The following PSD3 variants were observed in gnomAD, a reference collection of about 807,000 sequenced individuals.
PSD3 encodes PH and SEC7 domain-containing protein 3.
Under a neutral mutation model 105.5 loss-of-function variants are expected in PSD3, and 49 were observed. That is an observed-to-expected ratio of 0.46 (90% CI 0.37 to 0.59). PSD3 has a LOEUF of 0.59. Among genes scored for constraint, PSD3 ranks in the 20% least tolerant of loss-of-function variants. The pLI is 0.00. For synonymous variants in PSD3, 557 were observed against 457.8 expected (o/e 1.22, Z -2.77); for missense variants, 1,561 against 1,263.8 (o/e 1.24, Z -3.57).
intron 8 of PSD3, 185 bp downstream of exon 8, chr8:18,799,110 A>G (rs1810452883): frequency 5.3e-6 from 3 of 565,720 alleles, no homozygotes; most frequent in Non-Finnish European, 9.4e-6. Flanking sequence ...ATTTAAAGTC[A>G]TACTCTGTGC....
chr8:18,548,517 T>C (rs75479497), intron 15 of PSD3, among the ~76,000 whole-genome samples: 3,689 of 152,272 alleles, frequency 0.024, 68 homozygotes, highest in East Asian at 0.086. Context: ...ACCTTTTCTA[T>C]GGACATATCT....
intron 1 of PSD3, among the ~76,000 whole-genome samples, chr8:18,949,399 A>G (rs1823101128): frequency 6.7e-6 from 1 of 150,140 alleles, no homozygotes; most frequent in Non-Finnish European, 1.5e-5. Flanking sequence ...AAAAAAAATA[A>G]TCTCCTAGGC....
At chr8:19,054,644 AG>A (rs1424822488) in intron 1 of PSD3, among the ~76,000 whole-genome samples, 1 of 152,216 alleles carries the variant, frequency 6.6e-6, no homozygotes, top group Non-Finnish European at 1.5e-5. Flanking sequence ...ATTTATTCCA[AG>A]GAATTCATAT....
chr8:18,651,348 AG>A (rs1382396976), intron 10 of PSD3, among the ~76,000 whole-genome samples: 4 of 152,242 alleles, frequency 2.6e-5, no homozygotes. Flanking sequence ...ATTTCCTCTA[AG>A]GTTCTAACAT....
At chr8:18,981,120 C>A (rs1825231393) in intron 1 of PSD3, among the ~76,000 whole-genome samples, 1 of 152,144 alleles carries the variant, frequency 6.6e-6, no homozygotes, top group Non-Finnish European at 1.5e-5. Context: ...TTAAAACAGT[C>A]AATGACTGCT....
chr8:19,031,822 C>T (rs557702991), intron 1 of PSD3, among the ~76,000 whole-genome samples: 2 of 152,126 alleles, frequency 1.3e-5, no homozygotes, highest in African/African-American at 4.8e-5. Flanking sequence ...TGAACTAAAA[C>T]AGAACTAAAA....
intron 4 of PSD3, among the ~76,000 whole-genome samples, chr8:18,847,086 C>A (rs1437187274): frequency 6.6e-6 from 1 of 152,174 alleles, no homozygotes; most frequent in African/African-American, 2.4e-5. Flanking sequence ...CACTGCCTTT[C>A]ACCTCTTACA....
At chr8:18,620,018 C>T (rs1190785936) in intron 11 of PSD3, among the ~76,000 whole-genome samples, 1 of 152,170 alleles carries the variant, frequency 6.6e-6, no homozygotes, top group East Asian at 1.9e-4. Flanking sequence ...TAGTCTGTTT[C>T]TCTGAGGGCT....
chr8:18,713,828 T>C (rs945753333), intron 9 of PSD3, among the ~76,000 whole-genome samples: 39 of 152,146 alleles, frequency 2.6e-4, no homozygotes, highest in African/African-American at 8.2e-4. Flanking sequence ...GCCAAGACAA[T>C]CCTAAGCAAA....
chr8:18,722,815 C>T (rs1049606220), intron 9 of PSD3, among the ~76,000 whole-genome samples: 1 of 152,174 alleles, frequency 6.6e-6, no homozygotes, highest in African/African-American at 2.4e-5. Flanking sequence ...CAAATTCTAT[C>T]ACTCCCAAGG....
intron 8 of PSD3, among the ~76,000 whole-genome samples, chr8:18,779,512 T>C (rs1183530255): frequency 6.6e-6 from 1 of 152,138 alleles, no homozygotes; most frequent in Non-Finnish European, 1.5e-5. Context: ...CTTGCTTTTC[T>C]AGTTCCTTGA....
intron 1 of PSD3, among the ~76,000 whole-genome samples, chr8:19,073,426 A>G (rs1361729654): frequency 6.6e-6 from 1 of 151,914 alleles, no homozygotes; most frequent in Non-Finnish European, 1.5e-5. Flanking sequence ...TGGCACACCC[A>G]TGTAATCCCA....
At chr8:18,739,101 TATGGAAAACTAGGAAAACTTCAG>T (rs1804368839) in intron 9 of PSD3, among the ~76,000 whole-genome samples, 1 of 152,304 alleles carries the variant, frequency 6.6e-6, no homozygotes, top group African/African-American at 2.4e-5. Flanking sequence ...GGAAGGCACA[TATGGAAAACTAGGAAAACTTCAG>T]ATGGATGAAT....
At chr8:18,829,219 A>C (rs1389948092) in intron 4 of PSD3, among the ~76,000 whole-genome samples, 4 of 152,216 alleles carry the variant, frequency 2.6e-5, no homozygotes, top group African/African-American at 9.7e-5. Flanking sequence ...CCTGGGTAAC[A>C]GTGAGAGAGA....
intron 4 of PSD3, among the ~76,000 whole-genome samples, chr8:18,829,206 C>T (rs537090568): frequency 2.0e-5 from 3 of 152,256 alleles, no homozygotes; most frequent in African/African-American, 4.8e-5. Context: ...TGCCACTGTA[C>T]AGCCTGGGTA....
intron 4 of PSD3, among the ~76,000 whole-genome samples, chr8:18,827,499 G>T (rs1367371328): frequency 2.0e-5 from 3 of 152,194 alleles, no homozygotes; most frequent in Non-Finnish European, 4.4e-5. Context: ...ACGAAAAATG[G>T]CCAGATTCAA....
rs553545101 is a variant in PSD3, at chr8:18,872,791, T to C, written c.131-58A>G. On this transcript the variant is annotated intron_variant, in intron 2 of 15. Coordinates refer to ENST00000327040, the MANE Select transcript of PSD3 (RefSeq NM_015310.4). ...TTGTAGAAAGACAGGGCCCAGTAGG[T>C]AATAATGCATATTCACACAGATTAG... 3.5e-5 allele frequency: 50 copies of C among 1,433,710 alleles called. No individual in the cohort carries two copies. The South Asian group carries it at 6.7e-4, about 19-fold the overall frequency. 88.8% of individuals were successfully genotyped at this position (1,433,710 alleles called of 1,614,324 possible).
intron 8 of PSD3, among the ~76,000 whole-genome samples, chr8:18,768,428 C>G (rs1419945173): frequency 1.3e-5 from 2 of 151,982 alleles, no homozygotes; most frequent in East Asian, 1.9e-4. Flanking sequence ...TAACATCCCT[C>G]TCTAGAAACA....
intron 4 of PSD3, among the ~76,000 whole-genome samples, chr8:18,824,086 G>C (rs1303702559): frequency 1.3e-5 from 2 of 152,120 alleles, no homozygotes; most frequent in Non-Finnish European, 2.9e-5. Flanking sequence ...GGCGGGAAGA[G>C]CACGTGAGCC....
Sources: gnomAD v4.1 joint callset for allele counts (sites outside exome capture counted in the v4.1 genomes callset) on GRCh38, gnomAD v4.1.1 for gene constraint, MANE v1.5 for transcripts, NCBI Gene and HGNC (gene_info 2026-07-23, HGNC 2026-07-21) for gene names.